The following USP32 variants were observed in gnomAD, a reference collection of about 807,000 sequenced individuals.
The protein encoded by USP32 is ubiquitin carboxyl-terminal hydrolase 32.
A neutral mutation model predicts 204.8 loss-of-function variants in USP32; 59 were observed. The observed-to-expected ratio is 0.29, with a 90% CI of 0.23 to 0.36. The LOEUF (loss-of-function observed/expected upper bound fraction) is 0.36. USP32 is among the 10% of genes least tolerant of loss of function. USP32 has a pLI of 1.00. For synonymous variants in USP32, 517 were observed against 678.4 expected, an observed-to-expected ratio of 0.76 and a Z score of 3.70; for missense variants, 1,160 against 1,946.4, an observed-to-expected ratio of 0.60 and a Z score of 7.60.
rs1276197040 is a variant in USP32 at position 60,177,950 on chromosome 17, T to C, written c.*1305A>G. ...AGGTGAAACATTTCCTTCAAGTATA[T>C]ATTAAAAAACTACACGAAAAAAATG... On this transcript the variant is annotated 3_prime_UTR_variant, in exon 34 of 34. Coordinates refer to ENST00000300896, the MANE Select transcript of USP32 (RefSeq NM_032582.4). Among the ~76,000 whole-genome samples, 2 of 152,098 alleles carry C rather than the reference T, an allele frequency of 1.3e-5. No individual in the cohort carries two copies. Among genetic ancestry groups the C allele is most frequent in the African/African-American group, 4.8e-5 (2 of 41,420 alleles).
chr17:60,268,451 T>C (rs964178789), intron 7 of USP32, among the ~76,000 whole-genome samples: 14 of 150,938 alleles, frequency 9.3e-5, no homozygotes, highest in African/African-American at 3.4e-4. Context: ...TACATGCCTG[T>C]AGTCCCAGCT....
chr17:60,244,029 G>GTTTTTTTTTTTTTTTTTTTTTT lies in USP32; in HGVS notation c.1137-7811_1137-7790dup, dbSNP rs34842511. Among the ~76,000 whole-genome samples, 4 of 71,692 alleles carry GTTTTTTTTTTTTTTTTTTTTTT rather than the reference G, an allele frequency of 5.6e-5. 1 individual carries two copies. The highest frequency in any genetic ancestry group is 2.8e-4 in the African/African-American group (4 of 14,180). 47.0% of individuals were successfully genotyped at this position (71,692 alleles called of 152,430 possible). ...TTTGAATCTCAAGTAGCTGGATTGT[G>GTTTTTTTTTTTTTTTTTTTTTT]TTTTTTTTTTTTTTTTTTTTTTTTG... On this transcript the variant is annotated intron_variant, in intron 11 of 33. Coordinates refer to ENST00000300896, the MANE Select transcript of USP32 (RefSeq NM_032582.4).
chr17:60,262,736 A>G (rs956910328), intron 9 of USP32, among the ~76,000 whole-genome samples: 2 of 152,176 alleles, frequency 1.3e-5, no homozygotes, highest in African/African-American at 4.8e-5. Flanking sequence ...CTAGGACTAC[A>G]CAGGATGTTT....
chr17:60,269,282 T>C (rs2086671157), intron 7 of USP32, among the ~76,000 whole-genome samples, 168 bp downstream of exon 7: 1 of 152,224 alleles, frequency 6.6e-6, no homozygotes, highest in Non-Finnish European at 1.5e-5. Flanking sequence ...GAAGAGGTGA[T>C]TGATTCCTTA....
chr17:60,331,957 T>G lies in USP32; in HGVS notation c.186+13524A>C, dbSNP rs577196646. Among the ~76,000 whole-genome samples the G allele has an allele frequency of 1.5e-4, 23 of 150,648 alleles. No individual in the cohort carries two copies. In the South Asian group the frequency reaches 4.4e-3, roughly 29 times the overall value. ...ATCTGCACACATTTAAAGTATACAA[T>G]TGAGGTCAGGCACAGTGGCTCACAC... On this transcript the variant is annotated intron_variant, in intron 2 of 33. Transcript: ENST00000300896.
intron 1 of USP32, among the ~76,000 whole-genome samples, chr17:60,397,788 C>G (rs1221338008): frequency 1.3e-5 from 2 of 151,798 alleles, no homozygotes; most frequent in Non-Finnish European, 2.9e-5. Context: ...TCCTGATACT[C>G]AAAAAAAATT....
chr17:60,203,690 C>T (rs916985092), intron 26 of USP32, among the ~76,000 whole-genome samples: 6 of 152,102 alleles, frequency 3.9e-5, no homozygotes, highest in African/African-American at 4.8e-5. Flanking sequence ...GATTCTCCTG[C>T]CTCAGCCTCC....
intron 1 of USP32, 149 bp downstream of exon 1, chr17:60,391,733 C>T (rs2089838027): frequency 1.3e-6 from 1 of 787,758 alleles, no homozygotes; most frequent in African/African-American, 1.8e-5. Flanking sequence ...GACCTCTCTC[C>T]TCCACCACAC....
intron 1 of USP32, among the ~76,000 whole-genome samples, chr17:60,348,869 T>C (rs1598273542): frequency 6.6e-6 from 1 of 151,894 alleles, no homozygotes; most frequent in East Asian, 1.9e-4. Context: ...CAACATAGAG[T>C]AATGATAAAA....
rs2089419192 is a variant in USP32, at chr17:60,370,641, C to A, written c.58+21241G>T. On this transcript the variant is annotated intron_variant, in intron 1 of 33. Transcript: ENST00000300896. ...AATTAGCTGGGCATGGTGGTGCCCACCCAACCACTCAGGAGGAGGCTGAGG... is the reference window on the plus strand; with the variant it reads ...AATTAGCTGGGCATGGTGGTGCCCAACCAACCACTCAGGAGGAGGCTGAGG... 2.6e-5 allele frequency among the ~76,000 whole-genome samples: 4 copies of A among 151,706 alleles called. No individual in the cohort carries two copies. The South Asian group carries it at 8.3e-4, about 32-fold the overall frequency.
chr17:60,302,595 A>C (rs1276257827), intron 2 of USP32, among the ~76,000 whole-genome samples: 3 of 152,152 alleles, frequency 2.0e-5, no homozygotes, highest in Non-Finnish European at 2.9e-5. Flanking sequence ...CATATTACAG[A>C]CCCACACAAC....
At chr17:60,256,706 T>C (rs575078407) in intron 9 of USP32, 1 of 1,134,702 alleles carries the variant, frequency 8.8e-7, no homozygotes, top group Non-Finnish European at 1.1e-6. Flanking sequence ...GGAACATCAA[T>C]GCCTGCACCA....
At chr17:60,349,441 G>A (rs1183794425) in intron 1 of USP32, among the ~76,000 whole-genome samples, 1 of 149,038 alleles carries the variant, frequency 6.7e-6, no homozygotes, top group African/African-American at 2.5e-5. Flanking sequence ...TTAGCCAGCC[G>A]TGGCGGTGGG....
intron 4 of USP32, among the ~76,000 whole-genome samples, chr17:60,290,386 T>A (rs989239194): frequency 1.3e-5 from 2 of 152,208 alleles, no homozygotes; most frequent in African/African-American, 4.8e-5. Flanking sequence ...CATTCAGACA[T>A]GTTGCAGGGA....
chr17:60,286,043 A>G (rs895084586), intron 5 of USP32, among the ~76,000 whole-genome samples: 1 of 151,824 alleles, frequency 6.6e-6, no homozygotes, highest in Non-Finnish European at 1.5e-5. Context: ...GGCTAAGGCA[A>G]GAGAATCACT....
chr17:60,232,199 G>A (rs1246952024), intron 12 of USP32, among the ~76,000 whole-genome samples: 3 of 129,582 alleles, frequency 2.3e-5, no homozygotes, highest in African/African-American at 8.9e-5. Context: ...TTGAGATGGA[G>A]TCTCACTCTG....
At chr17:60,327,476 G>C (rs966094749) in intron 2 of USP32, among the ~76,000 whole-genome samples, 1 of 152,128 alleles carries the variant, frequency 6.6e-6, no homozygotes, top group African/African-American at 2.4e-5. Context: ...GCGGGACCCA[G>C]GGACAAGCGG....
At chr17:60,421,867 C>A (rs1374955683) in intron 1 of USP32, 8 of 985,340 alleles carry the variant, frequency 8.1e-6, no homozygotes, top group Non-Finnish European at 9.6e-6. Flanking sequence ...AGGCCGGCGA[C>A]GGGACTTGCC....
At chr17:60,348,754 C>T (rs1173121763) in intron 1 of USP32, among the ~76,000 whole-genome samples, 2 of 150,430 alleles carry the variant, frequency 1.3e-5, no homozygotes, top group Non-Finnish European at 3.0e-5. Flanking sequence ...GGTGACAGAG[C>T]GAGACTGTCT....
Sources: allele counts gnomAD v4.1 joint callset (sites outside exome capture counted in the v4.1 genomes callset), GRCh38; gene constraint gnomAD v4.1.1; transcripts MANE v1.5; gene names NCBI Gene and HGNC (gene_info 2026-07-23, HGNC 2026-07-21).